Variants in NELL2 observed in about 807,000 individuals in gnomAD.
NELL2 encodes the protein protein kinase C-binding protein NELL2.
In NELL2, 41 loss-of-function variants were observed where a neutral mutation model predicts 109.6. That is an observed-to-expected ratio of 0.37 (90% CI 0.29 to 0.49). The LOEUF (loss-of-function observed/expected upper bound fraction) is 0.49. NELL2 is among the 20% of genes least tolerant of loss of function. The probability of loss-of-function intolerance (pLI) is 0.98; values close to 1 mark genes in which losing one functional copy is unlikely to be tolerated. For missense variants in NELL2, 900 were observed against 1,008.3 expected (o/e 0.89, Z 1.45); for synonymous variants, 355 against 344.7 (o/e 1.03, Z -0.33).
intron 2 of NELL2, among the ~76,000 whole-genome samples, chr12:44,828,664 A>G (rs1352237726): frequency 6.6e-6 from 1 of 152,168 alleles, no homozygotes; most frequent in African/African-American, 2.4e-5. Flanking sequence ...GTTGACCTTA[A>G]GCAAATCATT....
intron 12 of NELL2, among the ~76,000 whole-genome samples, chr12:44,699,445 T>G (rs916204538): frequency 6.6e-6 from 1 of 152,106 alleles, no homozygotes; most frequent in Non-Finnish European, 1.5e-5. Flanking sequence ...AGTTATCATC[T>G]GCCTGGCTGA....
chr12:44,516,168 ATATAAG>A (rs1367556762), intron 19 of NELL2, among the ~76,000 whole-genome samples: 6 of 152,004 alleles, frequency 3.9e-5, no homozygotes, highest in East Asian at 1.9e-4. Context: ...AGAATATATT[ATATAAG>A]TATAACACAT....
At chr12:44,515,670 C>T (rs1040267962) in intron 19 of NELL2, among the ~76,000 whole-genome samples, 1 of 151,880 alleles carries the variant, frequency 6.6e-6, no homozygotes, top group African/African-American at 2.4e-5. Context: ...GAAACTCAGT[C>T]TGACTACTAG....
intron 9 of NELL2, among the ~76,000 whole-genome samples, chr12:44,745,965 A>G (rs569273851): frequency 2.0e-4 from 30 of 152,276 alleles, no homozygotes; most frequent in South Asian, 6.2e-4. Context: ...TTCATATGGA[A>G]CCAAAAAAGA....
intron 9 of NELL2, among the ~76,000 whole-genome samples, chr12:44,735,013 A>G (rs1469074981): frequency 6.6e-6 from 1 of 152,116 alleles, no homozygotes. Flanking sequence ...TTGAAAAGTT[A>G]GTATGATTAG....
rs80101659 is a variant in NELL2 at position 44,585,975 on chromosome 12, C to T, written c.1663+21194G>A. ...AGATTCTTTCAGTATATTTATGTAC[C>T]CATGCAAAATTCACACCCATATGCT... On this transcript the variant is annotated intron_variant, in intron 15 of 19. Transcript: ENST00000429094. Among the ~76,000 whole-genome samples the T allele has an allele frequency of 9.0e-3, 1,349 of 150,280 alleles. 15 individuals are homozygous for T. Among genetic ancestry groups the T allele is most frequent in the African/African-American group, 0.031 (1,269 of 41,028 alleles).
chr12:44,654,332 C>G (rs986070740), intron 13 of NELL2, among the ~76,000 whole-genome samples: 17 of 152,190 alleles, frequency 1.1e-4, no homozygotes, highest in African/African-American at 3.6e-4. Context: ...CTCTAACTCT[C>G]TCTACTCTTG....
At chr12:44,559,435 T>A (rs936923254) in intron 15 of NELL2, among the ~76,000 whole-genome samples, 5 of 152,106 alleles carry the variant, frequency 3.3e-5, no homozygotes, top group East Asian at 3.9e-4. Context: ...AGGAGACCCA[T>A]CTCACGTGCA....
intron 13 of NELL2, among the ~76,000 whole-genome samples, chr12:44,644,944 C>A (rs560836264): frequency 6.6e-6 from 1 of 151,672 alleles, no homozygotes; most frequent in African/African-American, 2.4e-5. Context: ...CATAATAGAA[C>A]CCCAGTGGAT....
At chr12:44,663,044 A>T (rs968838876) in intron 13 of NELL2, among the ~76,000 whole-genome samples, 1 of 152,162 alleles carries the variant, frequency 6.6e-6, no homozygotes, top group Non-Finnish European at 1.5e-5. Flanking sequence ...ATAAAGTCCT[A>T]CTCTGGTCTT....
intron 12 of NELL2, among the ~76,000 whole-genome samples, chr12:44,686,580 C>A (rs1948723621): frequency 1.3e-5 from 2 of 151,926 alleles, no homozygotes; most frequent in Admixed American, 1.3e-4. Context: ...TGGTGATGTA[C>A]AGATAGGTTT....
At chr12:44,787,891 G>A (rs895493992) in intron 3 of NELL2, among the ~76,000 whole-genome samples, 1 of 152,078 alleles carries the variant, frequency 6.6e-6, no homozygotes, top group Non-Finnish European at 1.5e-5. Flanking sequence ...AGGGATTTAA[G>A]TCTACACAAT....
intron 15 of NELL2, among the ~76,000 whole-genome samples, chr12:44,539,703 AGTT>A (rs1942462211): frequency 6.6e-6 from 1 of 152,190 alleles, no homozygotes; most frequent in Non-Finnish European, 1.5e-5. Flanking sequence ...ATATCACAGT[AGTT>A]TGAAAATAGT....
At chr12:44,753,784 C>A (rs897356913) in intron 9 of NELL2, among the ~76,000 whole-genome samples, 16 of 152,134 alleles carry the variant, frequency 1.1e-4, no homozygotes, top group Admixed American at 7.2e-4. Context: ...TGGCTTGCAG[C>A]CAGTTTTCTA....
chr12:44,772,315 G>A (rs1196624383), intron 9 of NELL2, among the ~76,000 whole-genome samples: 1 of 152,060 alleles, frequency 6.6e-6, no homozygotes, highest in East Asian at 1.9e-4. Flanking sequence ...TCATAGACAT[G>A]TGTAACTATT....
At chr12:44,833,812 G>A (rs920251940) in intron 2 of NELL2, among the ~76,000 whole-genome samples, 1 of 152,104 alleles carries the variant, frequency 6.6e-6, no homozygotes, top group African/African-American at 2.4e-5. Context: ...GTCCTGGGAG[G>A]CACAGTCCAT....
At chr12:44,724,901 T>G (rs558140122) in intron 9 of NELL2, among the ~76,000 whole-genome samples, 1 of 150,016 alleles carries the variant, frequency 6.7e-6, no homozygotes, top group South Asian at 2.1e-4. Context: ...AACAGCATGG[T>G]ACTGGTATAA....
At chr12:44,655,208 G>A (rs906364776) in intron 13 of NELL2, among the ~76,000 whole-genome samples, 32 of 152,254 alleles carry the variant, frequency 2.1e-4, no homozygotes, top group African/African-American at 6.5e-4. Flanking sequence ...GGCTCCCACC[G>A]TCCCAGTCCT....
chr12:44,757,427 T>TTAACACCAC (rs1442579455), intron 9 of NELL2, among the ~76,000 whole-genome samples: 4 of 152,104 alleles, frequency 2.6e-5, no homozygotes, highest in Non-Finnish European at 5.9e-5. Context: ...TCGAAGTCTT[T>TTAACACCAC]TAACACCACA....
Sources: allele counts gnomAD v4.1 joint callset (sites outside exome capture counted in the v4.1 genomes callset), GRCh38; gene constraint gnomAD v4.1.1; transcripts MANE v1.5; gene names NCBI Gene and HGNC (gene_info 2026-07-23, HGNC 2026-07-21).